ARHGAP24: variants seen among roughly 807,000 people sequenced by gnomAD.
ARHGAP24 encodes Rho GTPase activating protein 24, also known as rho GTPase-activating protein 24.
A neutral mutation model predicts 76.4 loss-of-function variants in ARHGAP24; 50 were observed. The observed-to-expected ratio is 0.65, with a 90% confidence interval of 0.52 to 0.83. The LOEUF (loss-of-function observed/expected upper bound fraction) is 0.83. ARHGAP24 is among the 40% of genes least tolerant of loss of function. The pLI is 0.00. For missense variants in ARHGAP24, 930 were observed against 914.2 expected (o/e 1.02, Z -0.22); for synonymous variants, 345 against 323.3 (o/e 1.07, Z -0.72).
chr4:85,482,118 G>A (rs189993819), intron 1 of ARHGAP24, among the ~76,000 whole-genome samples: 124 of 152,280 alleles, frequency 8.1e-4, no homozygotes, highest in African/African-American at 2.7e-3. Context: ...TGATCCGGGG[G>A]AGTTAAAACA....
chr4:85,820,939 T>C (rs912526549), intron 3 of ARHGAP24, among the ~76,000 whole-genome samples: 1 of 152,110 alleles, frequency 6.6e-6, no homozygotes, highest in Non-Finnish European at 1.5e-5. Context: ...ATTTAAAATA[T>C]TTTGCAGGCA....
At chr4:85,911,075 G>T (rs1238778975) in intron 3 of ARHGAP24, among the ~76,000 whole-genome samples, 1 of 152,196 alleles carries the variant, frequency 6.6e-6, no homozygotes, top group African/African-American at 2.4e-5. Flanking sequence ...GGGTCCTCAA[G>T]AGTACAGGAA....
intron 2 of ARHGAP24, among the ~76,000 whole-genome samples, chr4:85,612,081 A>T (rs919867661): frequency 1.8e-5 from 1 of 55,172 alleles, no homozygotes; most frequent in Non-Finnish European, 3.3e-5. Flanking sequence ...CTTTCATTAC[A>T]TTACACACAC....
At chr4:85,882,299 C>T (rs1733303983) in intron 3 of ARHGAP24, among the ~76,000 whole-genome samples, 1 of 152,100 alleles carries the variant, frequency 6.6e-6, no homozygotes, top group African/African-American at 2.4e-5. Flanking sequence ...TTATCAGTAT[C>T]ATATGTTTAT....
chr4:85,826,374 C>G (rs1296569078), intron 3 of ARHGAP24, among the ~76,000 whole-genome samples: 1 of 152,160 alleles, frequency 6.6e-6, no homozygotes, highest in African/African-American at 2.4e-5. Context: ...CATTTTCTCC[C>G]AGAATTTTGA....
chr4:85,868,310 A>C (rs1271958925), intron 3 of ARHGAP24, among the ~76,000 whole-genome samples: 4 of 152,262 alleles, frequency 2.6e-5, no homozygotes, highest in East Asian at 1.9e-4. Flanking sequence ...ATGAAGTCTC[A>C]TAGGTGGCCC....
intron 4 of ARHGAP24, among the ~76,000 whole-genome samples, chr4:85,936,233 A>G (rs1736626331): frequency 6.6e-6 from 1 of 152,186 alleles, no homozygotes; most frequent in South Asian, 2.1e-4. Flanking sequence ...GGAACTCAAA[A>G]TTAATGGCAC....
intron 3 of ARHGAP24, among the ~76,000 whole-genome samples, chr4:85,743,535 T>C (rs1311528067): frequency 6.7e-6 from 1 of 149,188 alleles, no homozygotes; most frequent in Middle Eastern, 3.3e-3. Flanking sequence ...ACCACTGTAC[T>C]CTAGCCTACG....
chr4:85,787,948 G>A (rs1432733258), intron 3 of ARHGAP24, among the ~76,000 whole-genome samples: 1 of 152,184 alleles, frequency 6.6e-6, no homozygotes, highest in Non-Finnish European at 1.5e-5. Flanking sequence ...CATAGTGCCA[G>A]GTCATTAGAA....
At chr4:85,855,268 T>G (rs2601833) in intron 3 of ARHGAP24, among the ~76,000 whole-genome samples, 133,528 of 152,168 alleles carry the variant, frequency 0.88, 59,576 homozygotes, top group Non-Finnish European at 0.97. Context: ...CTATATCCAA[T>G]GTTTTCATCC....
At chr4:85,752,376 G>A (rs896750494) in intron 3 of ARHGAP24, among the ~76,000 whole-genome samples, 9 of 152,138 alleles carry the variant, frequency 5.9e-5, no homozygotes, top group African/African-American at 2.2e-4. Context: ...CATGTCACCA[G>A]AGAGAACCCC....
At chr4:85,795,743 A>T (rs1219399114) in intron 3 of ARHGAP24, among the ~76,000 whole-genome samples, 3 of 152,138 alleles carry the variant, frequency 2.0e-5, no homozygotes, top group African/African-American at 7.2e-5. Flanking sequence ...GGTAAAAAAA[A>T]AATTAAGCTA....
chr4:86,000,554 G>A lies in ARHGAP24; in HGVS notation c.2079G>A (p.Lys693=). The A allele has an allele frequency of 2.5e-6, 4 of 1,601,968 alleles. No homozygotes were observed. Among genetic ancestry groups the A allele is most frequent in the Non-Finnish European group, 3.4e-6 (4 of 1,174,998 alleles). ...ATGAACTGGATCAGGAGAGGAAAAAGTTCACAATGATAGAAATAAAAATGC... is the reference window on the plus strand; with the variant it reads ...ATGAACTGGATCAGGAGAGGAAAAAATTCACAATGATAGAAATAAAAATGC... ...LHDELDQERK[K]FTMIEIKMRN... is the part of the protein sequence containing the mutation. Residue 693 remains lysine (K), a synonymous_variant, in exon 10 of 10, where the codon AAG becomes AAA. Coordinates refer to ENST00000395184, the MANE Select transcript of ARHGAP24 (RefSeq NM_001025616.3).
chr4:85,625,708 G>A (rs1439574511), intron 2 of ARHGAP24, among the ~76,000 whole-genome samples: 1 of 152,192 alleles, frequency 6.6e-6, no homozygotes, highest in African/African-American at 2.4e-5. Context: ...GGGAGTCTAA[G>A]TCTCTTTGTA....
At chr4:85,633,076 G>T (rs1487176903) in intron 2 of ARHGAP24, among the ~76,000 whole-genome samples, 2 of 151,776 alleles carry the variant, frequency 1.3e-5, no homozygotes, top group Non-Finnish European at 2.9e-5. Flanking sequence ...CTATTAAAAT[G>T]CTTGGTGTAT....
In ARHGAP24 at chr4:85,766,196, A is replaced by G. The variant is rs1345782673; in HGVS notation, c.268+44224A>G. ...TTGTGATTGAACCATTCTTCTCTAT[A>G]TAGATGAAGGAAGTAGAGATGGGGT... On this transcript the variant is annotated intron_variant, in intron 3 of 9. Coordinates refer to ENST00000395184, the MANE Select transcript of ARHGAP24 (RefSeq NM_001025616.3). 3.9e-5 allele frequency among the ~76,000 whole-genome samples: 6 copies of G among 152,194 alleles called. No homozygotes were observed. The East Asian group carries it at 7.7e-4, about 20-fold the overall frequency.
At chr4:85,632,659 T>G (rs1389879474) in intron 2 of ARHGAP24, among the ~76,000 whole-genome samples, 1 of 151,980 alleles carries the variant, frequency 6.6e-6, no homozygotes, top group Admixed American at 6.6e-5. Flanking sequence ...GCAGTCTAGC[T>G]GCCAAGTCTG....
chr4:85,857,454 G>C (rs1401306293), intron 3 of ARHGAP24, among the ~76,000 whole-genome samples: 2 of 152,168 alleles, frequency 1.3e-5, no homozygotes, highest in East Asian at 3.9e-4. Flanking sequence ...AGTTTATTAA[G>C]AAAGTGTGGG....
In ARHGAP24 at chr4:85,720,094, T is replaced by A. The variant is rs572778680; in HGVS notation, c.181-1791T>A. 5.1e-5 allele frequency among the ~76,000 whole-genome samples: 7 copies of A among 138,074 alleles called. No homozygotes were observed. The South Asian group carries it at 1.2e-3, about 24-fold the overall frequency. 90.6% of individuals were successfully genotyped at this position (138,074 alleles called of 152,430 possible). On this transcript the variant is annotated intron_variant, in intron 2 of 9. Transcript: ENST00000395184. The stretch of plus-strand genomic sequence containing the variant: ...ACACTTGGACACAGGAAGGGGGACA[T>A]CACCCACCGGGGCCTGTTGTGGGGT...
Sources: gnomAD v4.1 joint callset for allele counts (sites outside exome capture counted in the v4.1 genomes callset) on GRCh38, gnomAD v4.1.1 for gene constraint, MANE v1.5 for transcripts, NCBI Gene and HGNC (gene_info 2026-07-23, HGNC 2026-07-21) for gene names.